Variants in CDKL5 observed in about 807,000 individuals in gnomAD.
The protein encoded by CDKL5 is cyclin dependent kinase like 5.
Under a neutral mutation model 61.7 loss-of-function variants are expected in CDKL5, and 8 were observed. The ratio of observed to expected loss-of-function variants is 0.13; its 90% CI spans 0.08 to 0.23. The LOEUF is 0.23. Among genes scored for constraint, CDKL5 ranks in the 10% least tolerant of loss-of-function variants. The pLI is 1.00. For missense variants in CDKL5, 440 were observed against 734.5 expected (o/e 0.60, Z 4.63); for synonymous variants, 275 against 272.3 (o/e 1.01, Z -0.10).
At chrX:18,547,314 T>C (rs1214448905) in intron 3 of CDKL5, among the ~76,000 whole-genome samples, 2 of 112,261 alleles carry the variant, frequency 1.8e-5, no homozygotes, top group African/African-American at 6.5e-5. Flanking sequence ...AGCATGGAAT[T>C]AGAATGTTAT....
chrX:18,463,999 A>G (rs1932346816), intron 1 of CDKL5, among the ~76,000 whole-genome samples: 2 of 109,764 alleles, frequency 1.8e-5, no homozygotes, highest in Admixed American at 2.0e-4. Flanking sequence ...CTTCTTAAGT[A>G]TGGTGTGTGT....
intron 1 of CDKL5, among the ~76,000 whole-genome samples, chrX:18,475,997 G>C (rs1921295242): frequency 9.0e-6 from 1 of 111,552 alleles, no homozygotes; most frequent in Non-Finnish European, 1.9e-5. Context: ...ATATTGATCA[G>C]ACCTTGAAAT....
chrX:18,509,192 AACACGCACACACACACAC>A, intron 2 of CDKL5, among the ~76,000 whole-genome samples: 1 of 45,011 alleles, frequency 2.2e-5, no homozygotes, highest in East Asian at 1.0e-3. Flanking sequence ...ACTGTCTCAA[AACACGCACACACACACAC>A]ACACACACAC....
intron 1 of CDKL5, among the ~76,000 whole-genome samples, chrX:18,450,559 A>G (rs1569185150): frequency 9.0e-6 from 1 of 111,546 alleles, no homozygotes; most frequent in Non-Finnish European, 1.9e-5. Flanking sequence ...TTAGCATACT[A>G]TATATATAGT....
chrX:18,547,237 G>C (rs776422674), intron 3 of CDKL5, among the ~76,000 whole-genome samples: 1 of 112,075 alleles, frequency 8.9e-6, no homozygotes, highest in South Asian at 3.7e-4. Context: ...GCTTAGTTGA[G>C]AAACTAACTG....
At chrX:18,513,881 G>A (rs1414829554) in intron 3 of CDKL5, among the ~76,000 whole-genome samples, 1 of 111,653 alleles carries the variant, frequency 9.0e-6, no homozygotes, top group East Asian at 2.8e-4. Context: ...AAAAATGTAT[G>A]TAATCTTCCC....
In CDKL5 at chrX:18,634,040, T is replaced by C; in HGVS notation, c.*5283T>C. ...TTGCGGCAGTGAAACTAGTTTCACT[T>C]CTAAAGCCCTTCATTTCCCACAAGG... On this transcript the variant is annotated 3_prime_UTR_variant, in exon 18 of 18. Coordinates refer to ENST00000623535, the MANE Select transcript of CDKL5 (RefSeq NM_001323289.2). 1.3e-6 allele frequency: 1 copy of C among 754,248 alleles called. No homozygotes were observed. The highest frequency in any genetic ancestry group is 6.7e-5 in the South Asian group (1 of 14,866). 62.2% of individuals were successfully genotyped at this position (754,248 alleles called of 1,213,427 possible). A position where few individuals can be genotyped will look rare whatever the true frequency, so the allele number is the denominator to read the frequency against.
At chrX:18,476,195 G>A (rs1602212958) in intron 1 of CDKL5, among the ~76,000 whole-genome samples, 1 of 111,178 alleles carries the variant, frequency 9.0e-6, no homozygotes, top group African/African-American at 3.3e-5. Flanking sequence ...CTGTTGGATT[G>A]ACTCTTAATG....
intron 8 of CDKL5, among the ~76,000 whole-genome samples, chrX:18,586,587 A>G (rs1032576284): frequency 1.8e-5 from 2 of 112,240 alleles, no homozygotes; most frequent in Non-Finnish European, 3.8e-5. Context: ...AATATTGCTA[A>G]TTAAGTGATT....
chrX:18,537,847 T>C (rs1260370862), intron 3 of CDKL5, among the ~76,000 whole-genome samples: 1 of 112,450 alleles, frequency 8.9e-6, no homozygotes, highest in Non-Finnish European at 1.9e-5. Context: ...GTTTGCTCTT[T>C]TTTATTGCTC....
At chrX:18,616,715 G>A (rs1926727957) in intron 15 of CDKL5, among the ~76,000 whole-genome samples, 1 of 111,621 alleles carries the variant, frequency 9.0e-6, no homozygotes, top group Admixed American at 9.5e-5. Context: ...GTAAGGTTAT[G>A]AATATATTGA....
rs2147142685 is a variant in CDKL5 at position 18,579,927 on chromosome X, A to G, written c.362A>G (p.Lys121Arg). The G allele has an allele frequency of 1.7e-6, 2 of 1,202,305 alleles. No individual in the cohort carries two copies. The highest frequency in any genetic ancestry group is 3.5e-5 in the South Asian group (2 of 56,732). The change falls in exon 6 of 18, where the codon AAG becomes AGG. Residue 121 changes from lysine to arginine, a missense_variant. Coordinates refer to ENST00000623535, the MANE Select transcript of CDKL5 (RefSeq NM_001323289.2). ...AAAAGCTACATCTATCAGCTAATCAAGGCTATTCACTGGTGCCATAAGAAT... is the reference window on the plus strand; with the variant it reads ...AAAAGCTACATCTATCAGCTAATCAGGGCTATTCACTGGTGCCATAAGAAT... ...KVKSYIYQLI[K>R]AIHWCHKNDI...
At chrX:18,472,906 C>A (rs998537928) in intron 1 of CDKL5, among the ~76,000 whole-genome samples, 146 of 108,905 alleles carry the variant, frequency 1.3e-3, no homozygotes, top group African/African-American at 4.5e-3. Context: ...TGTTCATTTG[C>A]CTCTTTCCCA....
intron 1 of CDKL5, among the ~76,000 whole-genome samples, chrX:18,501,859 T>C (rs1237907331): frequency 5.3e-5 from 6 of 112,698 alleles, no homozygotes; most frequent in Non-Finnish European, 9.4e-5. Context: ...ACAAATGTTC[T>C]TTACAAATAC....
At chrX:18,469,518 C>T (rs1325979129) in intron 1 of CDKL5, among the ~76,000 whole-genome samples, 1 of 107,439 alleles carries the variant, frequency 9.3e-6, no homozygotes, top group African/African-American at 3.4e-5. Context: ...CGTGGTGGTG[C>T]ATGCCTGTAA....
intron 1 of CDKL5, among the ~76,000 whole-genome samples, chrX:18,505,695 CAG>C (rs1276606744): frequency 8.9e-6 from 1 of 112,418 alleles, no homozygotes; most frequent in East Asian, 2.8e-4. Flanking sequence ...TACATCCTAT[CAG>C]GGGGCATATA....
chrX:18,463,813 A>G (rs889681781), intron 1 of CDKL5, among the ~76,000 whole-genome samples: 5 of 111,878 alleles, frequency 4.5e-5, no homozygotes, highest in Non-Finnish European at 7.5e-5. Flanking sequence ...GGTGTCTTAC[A>G]AGAACTAATT....
chrX:18,576,232 A>G (rs1925292466), intron 5 of CDKL5, among the ~76,000 whole-genome samples: 1 of 111,427 alleles, frequency 9.0e-6, no homozygotes, highest in South Asian at 3.8e-4. Context: ...GAGTTTGAGA[A>G]TAGCCTGAGC....
intron 1 of CDKL5, among the ~76,000 whole-genome samples, chrX:18,461,829 A>G (rs1602205004): frequency 8.9e-6 from 1 of 112,224 alleles, no homozygotes. Flanking sequence ...GACCTTGTCT[A>G]ATGGGGATAG....
Sources: allele counts gnomAD v4.1 joint callset (sites outside exome capture counted in the v4.1 genomes callset), GRCh38; gene constraint gnomAD v4.1.1; transcripts MANE v1.5; gene names NCBI Gene and HGNC (gene_info 2026-07-23, HGNC 2026-07-21).